Variants in PATJ observed in about 807,000 individuals in gnomAD.
PATJ encodes the protein PATJ crumbs cell polarity complex component.
PATJ carries 190 observed loss-of-function variants against 224.9 expected under a neutral mutation model. The observed-to-expected ratio is 0.84, with a 90% confidence interval of 0.75 to 0.95. PATJ has a LOEUF of 0.95. PATJ is among the 40% of genes least tolerant of loss of function. The probability of loss-of-function intolerance (pLI) is 0.00; values close to 1 mark genes in which losing one functional copy is unlikely to be tolerated. For missense variants in PATJ, 2,121 were observed against 2,270.3 expected (o/e 0.93, Z 1.34); for synonymous variants, 769 against 820.3 (o/e 0.94, Z 1.07).
intron 30 of PATJ, chr1:62,038,347 G>A (rs556729517): frequency 5.0e-6 from 1 of 198,558 alleles, no homozygotes; most frequent in East Asian, 1.1e-4. Context: ...GTTTATGACT[G>A]AATTGTACCC....
intron 20 of PATJ, among the ~76,000 whole-genome samples, chr1:61,868,778 G>T (rs1337164195): frequency 6.6e-6 from 1 of 151,900 alleles, no homozygotes; most frequent in Non-Finnish European, 1.5e-5. Context: ...AACAGAGAGA[G>T]ACTCCGTCTC....
chr1:61,864,074 G>A (rs1570965204), intron 19 of PATJ, among the ~76,000 whole-genome samples, 164 bp from the exon 20 acceptor site: 2 of 152,354 alleles, frequency 1.3e-5, no homozygotes, highest in East Asian at 3.9e-4. Context: ...GGATTGTGTG[G>A]AGGTGAGCTT....
chr1:61,762,966 C>T (rs1646049165), intron 2 of PATJ, 47 bp from the exon 3 acceptor site: 2 of 1,528,458 alleles, frequency 1.3e-6, no homozygotes, highest in Non-Finnish European at 1.8e-6. Context: ...AAAATGGAAT[C>T]TCAAATGGGA....
At chr1:62,083,138 C>T (rs1285702184) in intron 32 of PATJ, among the ~76,000 whole-genome samples, 1 of 151,942 alleles carries the variant, frequency 6.6e-6, no homozygotes, top group Non-Finnish European at 1.5e-5. Context: ...TTGTTGTTGC[C>T]ATTTTGAGAC....
intron 7 of PATJ, among the ~76,000 whole-genome samples, chr1:61,776,926 C>T (rs897344479): frequency 5.9e-5 from 9 of 152,092 alleles, no homozygotes; most frequent in East Asian, 3.9e-4. Flanking sequence ...GGGGTTTCAC[C>T]GTGTTAGCTA....
chr1:61,809,157 T>C (rs1033293009), intron 14 of PATJ, among the ~76,000 whole-genome samples: 1 of 152,152 alleles, frequency 6.6e-6, no homozygotes, highest in African/African-American at 2.4e-5. Flanking sequence ...CAGTTTTTTT[T>C]CCAACATTTT....
intron 41 of PATJ, among the ~76,000 whole-genome samples, chr1:62,141,401 G>A (rs937281733): frequency 1.3e-5 from 2 of 152,166 alleles, no homozygotes; most frequent in African/African-American, 2.4e-5. Context: ...ATAGCCGGGC[G>A]CGTTGGCTCA....
At chr1:61,916,065 A>G (rs1673420438) in intron 26 of PATJ, among the ~76,000 whole-genome samples, 1 of 152,138 alleles carries the variant, frequency 6.6e-6, no homozygotes. Flanking sequence ...ATTTAATGAT[A>G]TCTCTTTAAA....
intron 17 of PATJ, among the ~76,000 whole-genome samples, chr1:61,854,003 C>G (rs1334661891): frequency 1.3e-5 from 2 of 152,134 alleles, no homozygotes; most frequent in African/African-American, 4.8e-5. Flanking sequence ...AAGGAATTAG[C>G]TGTGTAGCCT....
At chr1:61,942,002 C>T (rs950359971) in intron 27 of PATJ, among the ~76,000 whole-genome samples, 1 of 152,154 alleles carries the variant, frequency 6.6e-6, no homozygotes, top group African/African-American at 2.4e-5. Context: ...GTGCTGTCAC[C>T]AGATTATTGA....
intron 1 of PATJ, among the ~76,000 whole-genome samples, chr1:61,753,346 C>G (rs1194956846): frequency 6.8e-6 from 1 of 147,396 alleles, no homozygotes; most frequent in Non-Finnish European, 1.5e-5. Context: ...GGCTGAACAC[C>G]TGTTCTTTCC....
chr1:61,769,593 G>A (rs1412952529), intron 5 of PATJ, among the ~76,000 whole-genome samples, 171 bp downstream of exon 5: 1 of 152,094 alleles, frequency 6.6e-6, no homozygotes, highest in African/African-American at 2.4e-5. Flanking sequence ...TATACCCCAT[G>A]GCAGCAGTTC....
intron 14 of PATJ, among the ~76,000 whole-genome samples, chr1:61,808,907 G>A (rs991771214): frequency 6.6e-6 from 1 of 152,158 alleles, no homozygotes; most frequent in Non-Finnish European, 1.5e-5. Flanking sequence ...ATTAGAGGTA[G>A]TATGCAGAGT....
In PATJ at chr1:62,115,145, T is replaced by TA. The variant is rs561648622; in HGVS notation, c.4655+905dup. Among the ~76,000 whole-genome samples the TA allele has an allele frequency of 1.8e-3, 266 of 151,922 alleles. 5 individuals carry two copies. Among genetic ancestry groups the TA allele is most frequent in the Middle Eastern group, 6.8e-3 (2 of 294 alleles). On this transcript the variant is annotated intron_variant, in intron 35 of 43. Transcript: ENST00000642238. ...CAATATGGTGAAACCCCATCTCTACTAAAAAATACAAAAAATTAGCCAGGC... is the reference window on the plus strand; with the variant it reads ...CAATATGGTGAAACCCCATCTCTACTAAAAAAATACAAAAAATTAGCCAGGC...
chr1:62,062,022 G>A (rs1655557778), intron 31 of PATJ, among the ~76,000 whole-genome samples: 1 of 152,156 alleles, frequency 6.6e-6, no homozygotes, highest in Non-Finnish European at 1.5e-5. Context: ...TCATGTCTTT[G>A]CTATTGTGAA....
chr1:61,867,605 G>A (rs1003553185), intron 20 of PATJ, among the ~76,000 whole-genome samples: 2 of 141,302 alleles, frequency 1.4e-5, no homozygotes, highest in Non-Finnish European at 3.0e-5. Flanking sequence ...CAATTCTCAC[G>A]TAGGCTGTAA....
chr1:62,124,850 A>G (rs1479352562), intron 39 of PATJ, among the ~76,000 whole-genome samples: 1 of 152,144 alleles, frequency 6.6e-6, no homozygotes, highest in Non-Finnish European at 1.5e-5. Context: ...TAAAGGCCCT[A>G]TCTCCAAATA....
chr1:61,843,281 A>G (rs1857466), intron 17 of PATJ, among the ~76,000 whole-genome samples: 2,880 of 152,282 alleles, frequency 0.019, 105 homozygotes, highest in African/African-American at 0.065. Context: ...GGTTGAGAGG[A>G]CTAGCTTACG....
At chr1:61,851,263 T>G (rs1226029112) in intron 17 of PATJ, among the ~76,000 whole-genome samples, 1 of 152,126 alleles carries the variant, frequency 6.6e-6, no homozygotes, top group African/African-American at 2.4e-5. Flanking sequence ...TTATGATAAA[T>G]GCTGTAATTG....
Sources: gnomAD v4.1 joint callset for allele counts (sites outside exome capture counted in the v4.1 genomes callset) on GRCh38, gnomAD v4.1.1 for gene constraint, MANE v1.5 for transcripts, NCBI Gene and HGNC (gene_info 2026-07-23, HGNC 2026-07-21) for gene names.